The following EXD2 variants were observed in gnomAD, a reference collection of about 807,000 sequenced individuals.
The protein encoded by EXD2 is exonuclease 3'-5' domain-containing protein 2.
Under a neutral mutation model 62.5 loss-of-function variants are expected in EXD2, and 40 were observed. That is an observed-to-expected ratio of 0.64 (90% CI 0.50 to 0.83). The LOEUF is 0.83. EXD2 is among the 40% of genes least tolerant of loss of function. The pLI, the probability that EXD2 is intolerant of heterozygous loss-of-function variation, is 0.00. For missense variants in EXD2, 671 were observed against 761.8 expected (o/e 0.88, Z 1.40); for synonymous variants, 239 against 291.9 (o/e 0.82, Z 1.85).
At chr14:69,238,006 G>C in intron 9 of EXD2, 75 bp downstream of exon 9, 1 of 1,356,430 alleles carries the variant, frequency 7.4e-7, no homozygotes, top group East Asian at 2.3e-5. Flanking sequence ...TTGCCAGGGA[G>C]GGGGCATTGG....
chr14:69,221,909 T>TAA (rs60647735), intron 3 of EXD2, among the ~76,000 whole-genome samples: 6,844 of 52,030 alleles, frequency 0.13, 844 homozygotes, highest in African/African-American at 0.18. Flanking sequence ...CTGTCTCTAC[T>TAA]AAAAAAAAAA....
At chr14:69,238,414 C>G (rs961815495) in intron 9 of EXD2, among the ~76,000 whole-genome samples, 1 of 152,124 alleles carries the variant, frequency 6.6e-6, no homozygotes, top group African/African-American at 2.4e-5. Flanking sequence ...GCTTAAGTGC[C>G]TGATATACAA....
intron 1 of EXD2, among the ~76,000 whole-genome samples, chr14:69,193,453 G>C (rs938463481): frequency 6.6e-6 from 1 of 152,078 alleles, no homozygotes; most frequent in Non-Finnish European, 1.5e-5. Context: ...GTTTTAATTT[G>C]CATTCCCCTG....
chr14:69,230,680 A>G lies in EXD2; in HGVS notation c.717+82A>G, dbSNP rs1024939563. 5.4e-6 allele frequency: 8 copies of G among 1,482,316 alleles called. No homozygotes were observed. In the South Asian group the frequency reaches 8.3e-5, roughly 15 times the overall value. 91.8% of individuals were successfully genotyped at this position (1,482,316 alleles called of 1,614,324 possible). ...GTTTATAAAATTCGAATTCTCAAAT[A>G]TAGTATAAGTATTGGATGGAGATGC... On this transcript the variant is annotated intron_variant, in intron 5 of 9. Transcript: ENST00000685843.
At chr14:69,208,346 G>A (rs1286750402) in intron 2 of EXD2, among the ~76,000 whole-genome samples, 1 of 151,430 alleles carries the variant, frequency 6.6e-6, no homozygotes, top group Admixed American at 6.6e-5. Context: ...AAGTAGCTGC[G>A]GCAACAGGCG....
intron 1 of EXD2, among the ~76,000 whole-genome samples, chr14:69,201,233 G>C (rs1443752964): frequency 1.3e-5 from 2 of 151,788 alleles, no homozygotes; most frequent in African/African-American, 4.8e-5. Flanking sequence ...CTGTCCCCCA[G>C]GCTGGAGTGC....
intron 3 of EXD2, among the ~76,000 whole-genome samples, chr14:69,227,220 CA>C (rs1594769638): frequency 6.6e-6 from 1 of 152,074 alleles, no homozygotes; most frequent in Non-Finnish European, 1.5e-5. Flanking sequence ...TTGTGACAAC[CA>C]AAAATTTTTC....
intron 3 of EXD2, chr14:69,224,140 T>A (rs1013309334): frequency 3.9e-5 from 6 of 152,282 alleles, no homozygotes; most frequent in Admixed American, 1.3e-4. Context: ...GCTTAAGTGA[T>A]CCTCCCACCT....
At chr14:69,227,985 G>A (rs976183250) in intron 3 of EXD2, 3 of 151,826 alleles carry the variant, frequency 2.0e-5, no homozygotes, top group Admixed American at 2.0e-4. Context: ...AAAGCACTTG[G>A]TGCTACCTGG....
chr14:69,206,634 C>CCA (rs1594737761), intron 2 of EXD2, among the ~76,000 whole-genome samples: 1 of 152,004 alleles, frequency 6.6e-6, no homozygotes, highest in East Asian at 1.9e-4. Flanking sequence ...GCATGTGCCA[C>CCA]CACGCCCAGC....
At chr14:69,237,228 T>A (rs1316408093) in intron 8 of EXD2, among the ~76,000 whole-genome samples, 1 of 152,196 alleles carries the variant, frequency 6.6e-6, no homozygotes, top group Admixed American at 6.5e-5. Flanking sequence ...AGAGTTGTTT[T>A]CCAGTTGTCA....
chr14:69,235,954 T>C (rs909438290), intron 6 of EXD2, 92 bp from the exon 7 acceptor site: 1 of 912,950 alleles, frequency 1.1e-6, no homozygotes, highest in Non-Finnish European at 1.8e-6. Context: ...GAGAATAGTT[T>C]TGAGTCACTC....
chr14:69,241,482 C>G lies in EXD2; in HGVS notation c.*382C>G, dbSNP rs904092017. On this transcript the variant is annotated 3_prime_UTR_variant, in exon 10 of 10. Coordinates refer to ENST00000685843, the MANE Select transcript of EXD2 (RefSeq NM_001193360.2). The stretch of plus-strand genomic sequence containing the variant: ...CCTTGTCTAGTGCCTCGGTTTATCT[C>G]TAACAGGGGCTGTCCAGTATATCGG... 3.9e-6 allele frequency: 1 copy of G among 258,462 alleles called. No individual in the cohort carries two copies. Among genetic ancestry groups the G allele is most frequent in the East Asian group, 7.5e-5 (1 of 13,420 alleles). 16.0% of individuals were successfully genotyped at this position (258,462 alleles called of 1,614,324 possible). A position where few individuals can be genotyped will look rare whatever the true frequency, so the allele number is the denominator to read the frequency against.
Position 69,209,612 on chromosome 14 carries a change from C to A in EXD2, c.142C>A (p.Leu48Met). The change falls in exon 3 of 10, where the codon CTG (leucine) becomes ATG (methionine). Residue 48 changes from leucine (L) to methionine (M), a missense_variant. Leu to Met is a conservative substitution (Grantham distance 15). Transcript: ENST00000685843. ...GACCCAACAGCCACAGCAGAAAGTG[C>A]TGGGCAGTAGAGAGCTGCCCCCTCC... The part of the protein sequence containing the change: ...PVTQQPQQKV[L>M]GSRELPPPED... 1.9e-6 allele frequency: 3 copies of A among 1,550,558 alleles called. No individual in the cohort carries two copies. Among genetic ancestry groups the A allele is most frequent in the Non-Finnish European group, 2.6e-6 (3 of 1,146,998 alleles).
In EXD2 at chr14:69,203,959, G is replaced by A. The variant is rs1359265185; in HGVS notation, c.-89G>A. 1 of 152,224 alleles carries A rather than the reference G, an allele frequency of 6.6e-6. No individual in the cohort carries two copies. The highest frequency in any genetic ancestry group is 1.9e-4 in the East Asian group (1 of 5,200). The allele number at this position is 152,224 out of a possible 1,614,324, so 9.4% of individuals were successfully genotyped here. ...CCTGTTTCGCAGATGAGGAAACTGA[G>A]GCTTAGAGAAGTTTGGCAAATTGGC... On this transcript the variant is annotated 5_prime_UTR_variant, in exon 2 of 10. Coordinates refer to ENST00000685843, the MANE Select transcript of EXD2 (RefSeq NM_001193360.2).
In EXD2 at chr14:69,242,279, A is replaced by AC. The variant is rs2044000724; in HGVS notation, c.*1180dup. 4 of 365,934 alleles carry AC rather than the reference A, an allele frequency of 1.1e-5. No individual in the cohort carries two copies. The highest frequency in any genetic ancestry group is 1.4e-5 in the Non-Finnish European group (3 of 206,910). The allele number at this position is 365,934 out of a possible 1,614,324, so 22.7% of individuals were successfully genotyped here. ...AAAAGAATTTTATGACCAGAATCCAACAAGAGCTCTATTTTGGAATTGTGC... is the reference window on the plus strand; with the variant it reads ...AAAAGAATTTTATGACCAGAATCCAACCAAGAGCTCTATTTTGGAATTGTGC... On this transcript the variant is annotated 3_prime_UTR_variant, in exon 10 of 10. Coordinates refer to ENST00000685843, the MANE Select transcript of EXD2 (RefSeq NM_001193360.2).
At chr14:69,210,586 A>G (rs1255951025) in intron 3 of EXD2, among the ~76,000 whole-genome samples, 1 of 152,094 alleles carries the variant, frequency 6.6e-6, no homozygotes, top group Non-Finnish European at 1.5e-5. Flanking sequence ...GGTGGGGAAA[A>G]TCAGTTGAGG....
Position 69,215,279 on chromosome 14 carries a change from G to T in EXD2, c.333+5476G>T, listed in dbSNP as rs148696683. On this transcript the variant is annotated intron_variant, in intron 3 of 9. Coordinates refer to ENST00000685843, the MANE Select transcript of EXD2 (RefSeq NM_001193360.2). ...CACTCCAGCCTGGGTGACACAGCGA[G>T]ACTCCATCTCAAAAATATATGTGTG... 1.8e-3 allele frequency among the ~76,000 whole-genome samples: 272 copies of T among 150,734 alleles called. 1 individual carries two copies. Among genetic ancestry groups the T allele is most frequent in the African/African-American group, 6.6e-3 (266 of 40,382 alleles).
At chr14:69,230,031 C>T (rs1594773819) in intron 4 of EXD2, among the ~76,000 whole-genome samples, 1 of 152,212 alleles carries the variant, frequency 6.6e-6, no homozygotes. Context: ...ACAGTAAAAG[C>T]CCCCCTTCAT....
Sources: gnomAD v4.1 joint callset for allele counts (sites outside exome capture counted in the v4.1 genomes callset) on GRCh38, gnomAD v4.1.1 for gene constraint, MANE v1.5 for transcripts, NCBI Gene and HGNC (gene_info 2026-07-23, HGNC 2026-07-21) for gene names.